The following ARFGEF2 variants were observed in gnomAD, a reference collection of about 807,000 sequenced individuals.
The protein encoded by ARFGEF2 is brefeldin A-inhibited guanine nucleotide-exchange protein 2.
Under a neutral mutation model 219.9 loss-of-function variants are expected in ARFGEF2, and 74 were observed. That is an observed-to-expected ratio of 0.34 (90% CI 0.28 to 0.41). The LOEUF is 0.41. Among genes scored for constraint, ARFGEF2 ranks in the 10% least tolerant of loss-of-function variants. The pLI is 1.00. For synonymous variants in ARFGEF2, 733 were observed against 799.2 expected, an observed-to-expected ratio of 0.92 and a Z score of 1.40; for missense variants, 1,743 against 2,218.3, an observed-to-expected ratio of 0.79 and a Z score of 4.30.
intron 16 of ARFGEF2, 31 bp downstream of exon 16, chr20:48,985,644 C>A: frequency 6.2e-7 from 1 of 1,607,368 alleles, no homozygotes; most frequent in Non-Finnish European, 8.5e-7. Context: ...CCTTCCAGAT[C>A]ATCTGTTTGC....
At chr20:48,989,894 G>T (rs931876303) in intron 20 of ARFGEF2, among the ~76,000 whole-genome samples, 10 of 152,132 alleles carry the variant, frequency 6.6e-5, no homozygotes, top group African/African-American at 2.4e-4. Context: ...TTTAAGAATG[G>T]GTAGGCTGGG....
intron 1 of ARFGEF2, among the ~76,000 whole-genome samples, chr20:48,922,301 C>G (rs1051047094): frequency 6.6e-6 from 1 of 152,202 alleles, no homozygotes; most frequent in South Asian, 2.1e-4. Context: ...CTCCCCTCAC[C>G]ACCTCCAAGT....
chr20:48,996,741 T>TA (rs57732705), intron 23 of ARFGEF2, among the ~76,000 whole-genome samples: 191 of 107,806 alleles, frequency 1.8e-3, no homozygotes, highest in Middle Eastern at 5.6e-3. Context: ...AGACTCCGTC[T>TA]AAAAAAAAAA....
chr20:48,942,489 T>G (rs926740488), intron 3 of ARFGEF2, among the ~76,000 whole-genome samples: 1 of 141,472 alleles, frequency 7.1e-6, no homozygotes, highest in Non-Finnish European at 1.5e-5. Context: ...TTTTTTTTTT[T>G]TTTTTTTTTT....
chr20:48,971,634 G>A (rs1416097490), intron 10 of ARFGEF2, among the ~76,000 whole-genome samples: 1 of 152,028 alleles, frequency 6.6e-6, no homozygotes, highest in Non-Finnish European at 1.5e-5. Flanking sequence ...GGGCGCCATG[G>A]CTCACGCCTG....
intron 3 of ARFGEF2, among the ~76,000 whole-genome samples, chr20:48,946,453 A>G (rs960870777): frequency 1.3e-5 from 2 of 150,752 alleles, no homozygotes; most frequent in African/African-American, 2.4e-5. Flanking sequence ...GTAGTCCCCA[A>G]GTTTTTCTGG....
chr20:48,939,015 C>T (rs953223687), intron 1 of ARFGEF2, among the ~76,000 whole-genome samples: 1 of 147,772 alleles, frequency 6.8e-6, no homozygotes, highest in African/African-American at 2.5e-5. Context: ...CACTATGTCA[C>T]CCAGGCTGAA....
At chr20:49,022,426 C>T (rs1352410580) in intron 34 of ARFGEF2, among the ~76,000 whole-genome samples, 1 of 142,084 alleles carries the variant, frequency 7.0e-6, no homozygotes, top group Non-Finnish European at 1.6e-5. Context: ...ACAACAACAA[C>T]AACAAAAAAA....
intron 34 of ARFGEF2, among the ~76,000 whole-genome samples, chr20:49,021,296 CT>C (rs2091563734): frequency 6.6e-6 from 1 of 151,798 alleles, no homozygotes; most frequent in African/African-American, 2.4e-5. Context: ...TTCACAGCCA[CT>C]TTCAAAAACT....
chr20:48,980,413 A>G (rs1248465975), intron 14 of ARFGEF2, among the ~76,000 whole-genome samples: 3 of 152,168 alleles, frequency 2.0e-5, no homozygotes, highest in Non-Finnish European at 4.4e-5. Context: ...TATGTGGTCA[A>G]TTTTGGAATA....
chr20:48,936,155 G>A (rs2090953261), intron 1 of ARFGEF2, among the ~76,000 whole-genome samples: 4 of 142,494 alleles, frequency 2.8e-5, no homozygotes, highest in Non-Finnish European at 3.1e-5. Context: ...CGGACGGGGC[G>A]GCTGGCCGGG....
At position 49,015,438 on chromosome 20, in the gene ARFGEF2, A is replaced by T. The variant is rs187251170; in HGVS notation, c.4180-842A>T. Among the ~76,000 whole-genome samples, 24 of 152,308 alleles carry T rather than the reference A, an allele frequency of 1.6e-4. No individual in the cohort carries two copies. In the South Asian group the frequency reaches 4.6e-3, roughly 29 times the overall value. ...TTTCTTCTACAATGTTGTTTTAATA[A>T]TGGCTACAAAATAGTCTTAGTTGTG... On this transcript the variant is annotated intron_variant, in intron 30 of 38. Transcript: ENST00000371917.
At chr20:48,925,586 A>G (rs1374913254) in intron 1 of ARFGEF2, among the ~76,000 whole-genome samples, 1 of 152,220 alleles carries the variant, frequency 6.6e-6, no homozygotes, top group Non-Finnish European at 1.5e-5. Flanking sequence ...CTGTAATTCC[A>G]GCGCTTTAGG....
chr20:48,949,841 T>C (rs1251809582), intron 3 of ARFGEF2, among the ~76,000 whole-genome samples: 1 of 152,138 alleles, frequency 6.6e-6, no homozygotes, highest in African/African-American at 2.4e-5. Context: ...ACAGCAGTTT[T>C]AGGAGTCTTC....
At chr20:48,994,286 C>CA (rs1416360179) in intron 21 of ARFGEF2, among the ~76,000 whole-genome samples, 165 bp from the exon 22 acceptor site, 2 of 152,178 alleles carry the variant, frequency 1.3e-5, no homozygotes, top group Non-Finnish European at 2.9e-5. Flanking sequence ...CCGCCCCAGT[C>CA]AAATGCTTTT....
intron 34 of ARFGEF2, among the ~76,000 whole-genome samples, chr20:49,020,303 G>A (rs1028560878): frequency 1.1e-4 from 16 of 152,112 alleles, no homozygotes; most frequent in African/African-American, 3.9e-4. Context: ...AACAGTGTGC[G>A]GTCACCTTTT....
intron 1 of ARFGEF2, among the ~76,000 whole-genome samples, chr20:48,925,165 A>G (rs1387618972): frequency 6.6e-6 from 1 of 152,240 alleles, no homozygotes; most frequent in Non-Finnish European, 1.5e-5. Context: ...TGTGATAATC[A>G]TGATGGAGCA....
intron 16 of ARFGEF2, among the ~76,000 whole-genome samples, chr20:48,987,300 A>C (rs2091332145): frequency 1.3e-5 from 2 of 152,158 alleles, no homozygotes; most frequent in African/African-American, 4.8e-5. Flanking sequence ...GTTCTTCAAA[A>C]TTTCTACTGT....
At chr20:48,998,123 G>T in intron 23 of ARFGEF2, 70 bp from the exon 24 acceptor site, 1 of 1,466,294 alleles carries the variant, frequency 6.8e-7, no homozygotes, top group East Asian at 2.3e-5. Flanking sequence ...GCCTCCCAAA[G>T]TGCTGAGATT....
Sources: gnomAD v4.1 joint callset for allele counts (sites outside exome capture counted in the v4.1 genomes callset) on GRCh38, gnomAD v4.1.1 for gene constraint, MANE v1.5 for transcripts, NCBI Gene and HGNC (gene_info 2026-07-23, HGNC 2026-07-21) for gene names.